RBFOX1: variants seen among roughly 807,000 people sequenced by gnomAD.
RBFOX1 encodes RNA binding fox-1 homolog 1.
A neutral mutation model predicts 57.7 loss-of-function variants in RBFOX1; 8 were observed. The ratio of observed to expected loss-of-function variants is 0.14; its 90% CI spans 0.08 to 0.25. The LOEUF (loss-of-function observed/expected upper bound fraction) is 0.25. Among genes scored for constraint, RBFOX1 ranks in the 10% least tolerant of loss-of-function variants. The probability of loss-of-function intolerance (pLI) is 1.00; values close to 1 mark genes in which losing one functional copy is unlikely to be tolerated. For missense variants in RBFOX1, 611 were observed against 548.5 expected, an observed-to-expected ratio of 1.11 and a Z score of -1.14; for synonymous variants, 326 against 222.4, an observed-to-expected ratio of 1.47 and a Z score of -4.15.
intron 2 of RBFOX1, among the ~76,000 whole-genome samples, chr16:6,360,896 T>C (rs367676741): frequency 1.2e-4 from 19 of 152,148 alleles, no homozygotes; most frequent in African/African-American, 3.9e-4. Flanking sequence ...TTCTTGACAT[T>C]GTTTGAGCCG....
intron 2 of RBFOX1, among the ~76,000 whole-genome samples, chr16:6,399,608 A>G (rs1008187688): frequency 6.6e-6 from 1 of 152,178 alleles, no homozygotes; most frequent in Admixed American, 6.5e-5. Flanking sequence ...TCTTCTTGTG[A>G]GCCCTCCAAA....
At chr16:5,542,591 C>A (rs2045006813) in intron 2 of RBFOX1, among the ~76,000 whole-genome samples, 1 of 152,056 alleles carries the variant, frequency 6.6e-6, no homozygotes, top group African/African-American at 2.4e-5. Flanking sequence ...ATCTACCTTG[C>A]ATTTCAATCT....
intron 13 of RBFOX1, among the ~76,000 whole-genome samples, chr16:7,672,865 C>CAAAATAAAAAAAA: frequency 2.3e-5 from 1 of 42,884 alleles, no homozygotes; most frequent in East Asian, 1.0e-3. Flanking sequence ...GACTCCATCT[C>CAAAATAAAAAAAA]AAAAAAAAAA....
intron 3 of RBFOX1, among the ~76,000 whole-genome samples, chr16:6,919,573 G>A (rs1302094996): frequency 6.6e-6 from 1 of 151,730 alleles, no homozygotes; most frequent in Non-Finnish European, 1.5e-5. Flanking sequence ...CACTTCCTAT[G>A]GCTTGAAATT....
At chr16:7,017,670 T>G (rs2093983170) in intron 3 of RBFOX1, among the ~76,000 whole-genome samples, 2 of 152,172 alleles carry the variant, frequency 1.3e-5, no homozygotes, top group Non-Finnish European at 2.9e-5. Flanking sequence ...ATGCTTGACC[T>G]TGGTGAGGGA....
At chr16:5,753,364 G>A (rs915981435) in intron 3 of RBFOX1, among the ~76,000 whole-genome samples, 22 of 152,060 alleles carry the variant, frequency 1.4e-4, no homozygotes, top group Non-Finnish European at 1.5e-5. Flanking sequence ...CTGATTAGTG[G>A]TTATTATTTT....
At chr16:6,256,879 A>C (rs564749032) in intron 1 of RBFOX1, among the ~76,000 whole-genome samples, 94 of 152,224 alleles carry the variant, frequency 6.2e-4, no homozygotes, top group Non-Finnish European at 8.8e-4. Flanking sequence ...GGCATATGAA[A>C]CCAGAAGCAA....
intron 3 of RBFOX1, among the ~76,000 whole-genome samples, chr16:6,850,234 C>T (rs550650224): frequency 1.3e-5 from 2 of 152,012 alleles, no homozygotes; most frequent in African/African-American, 2.4e-5. Context: ...TCTTTTGGGG[C>T]GTAAAGTGTA....
intron 4 of RBFOX1, among the ~76,000 whole-genome samples, chr16:7,481,623 A>G (rs980382572): frequency 6.6e-6 from 1 of 152,366 alleles, no homozygotes; most frequent in East Asian, 1.9e-4. Flanking sequence ...AAATAACAAT[A>G]TCTTCTATTG....
At chr16:7,295,100 G>C (rs1024218643) in intron 4 of RBFOX1, among the ~76,000 whole-genome samples, 5 of 152,188 alleles carry the variant, frequency 3.3e-5, no homozygotes, top group African/African-American at 1.2e-4. Context: ...GACTTGACCT[G>C]ATGTTGTGTG....
intron 2 of RBFOX1, among the ~76,000 whole-genome samples, chr16:5,502,655 G>T (rs1392656972): frequency 6.6e-6 from 1 of 152,184 alleles, no homozygotes; most frequent in Non-Finnish European, 1.5e-5. Context: ...CAGTGGTTAG[G>T]CTGGGAGTCG....
Position 5,969,298 on chromosome 16 carries a change from C to CTTTTTTTTTTTTTTTTTTT in RBFOX1, c.351+101970_351+101988dup, listed in dbSNP as rs71142659. On this transcript the variant is annotated intron_variant, in intron 4 of 19. Coordinates refer to the RBFOX1 transcript ENST00000641259. ...ATGCCTGTGATTATTTTCGGTTGTTCTTTTTTTTTTTTTTTTTTTTTTTTT... is the reference window on the plus strand; with the variant it reads ...ATGCCTGTGATTATTTTCGGTTGTTCTTTTTTTTTTTTTTTTTTTTTTTTTTTTTTTTTTTTTTTTTTTT... 3.6e-5 allele frequency among the ~76,000 whole-genome samples: 3 copies of CTTTTTTTTTTTTTTTTTTT among 83,750 alleles called. 1 individual carries two copies. The highest frequency in any genetic ancestry group is 2.1e-5 in the Non-Finnish European group (1 of 47,572). 54.9% of individuals were successfully genotyped at this position (83,750 alleles called of 152,430 possible).
At chr16:5,359,359 G>A (rs957111902) in intron 1 of RBFOX1, among the ~76,000 whole-genome samples, 2 of 152,146 alleles carry the variant, frequency 1.3e-5, no homozygotes, top group African/African-American at 4.8e-5. Flanking sequence ...TCATATGGTA[G>A]CTCCACTTTT....
chr16:6,369,339 T>G (rs796909957), intron 2 of RBFOX1, among the ~76,000 whole-genome samples: 12 of 152,296 alleles, frequency 7.9e-5, no homozygotes, highest in African/African-American at 2.6e-4. Context: ...CTGGGTCGGA[T>G]AGTGTAAAGA....
chr16:6,668,900 GC>G (rs1239236000), intron 3 of RBFOX1, among the ~76,000 whole-genome samples: 1 of 152,184 alleles, frequency 6.6e-6, no homozygotes, highest in East Asian at 1.9e-4. Context: ...CAAGCACAGA[GC>G]TATTTTTCAA....
At chr16:6,295,529 G>C (rs1292625695) in intron 1 of RBFOX1, among the ~76,000 whole-genome samples, 1 of 152,186 alleles carries the variant, frequency 6.6e-6, no homozygotes. Flanking sequence ...CCTGTAGTTG[G>C]GTTTGAATAT....
chr16:7,066,367 C>T (rs2056032254), intron 4 of RBFOX1, among the ~76,000 whole-genome samples: 1 of 152,110 alleles, frequency 6.6e-6, no homozygotes, highest in Non-Finnish European at 1.5e-5. Context: ...TGATCAGTCC[C>T]ATTGTGAGGC....
chr16:6,977,539 G>T (rs2087367615), intron 3 of RBFOX1, among the ~76,000 whole-genome samples: 1 of 152,070 alleles, frequency 6.6e-6, no homozygotes, highest in Non-Finnish European at 1.5e-5. Context: ...AGTCACTGTA[G>T]TTCGAAGACC....
At chr16:6,107,089 T>C (rs1342488583) in intron 1 of RBFOX1, among the ~76,000 whole-genome samples, 1 of 152,226 alleles carries the variant, frequency 6.6e-6, no homozygotes, top group African/African-American at 2.4e-5. Flanking sequence ...CCTCCTCTTA[T>C]GTTGCTGCTG....
Sources: allele counts gnomAD v4.1 joint callset (sites outside exome capture counted in the v4.1 genomes callset), GRCh38; gene constraint gnomAD v4.1.1; transcripts MANE v1.5; gene names NCBI Gene and HGNC (gene_info 2026-07-23, HGNC 2026-07-21).